Variants in SYT9 observed in about 807,000 individuals in gnomAD.
SYT9 encodes the protein synaptotagmin-9.
A neutral mutation model predicts 48.4 loss-of-function variants in SYT9; 22 were observed. The ratio of observed to expected loss-of-function variants is 0.45; its 90% CI spans 0.32 to 0.65. The LOEUF is 0.65. Among genes scored for constraint, SYT9 ranks in the 30% least tolerant of loss-of-function variants. The pLI is 0.03. For synonymous variants in SYT9, 265 were observed against 245.0 expected (o/e 1.08, Z -0.76); for missense variants, 577 against 622.0 (o/e 0.93, Z 0.77).
intron 3 of SYT9, among the ~76,000 whole-genome samples, chr11:7,368,329 A>T (rs114081682): frequency 0.026 from 3,527 of 136,914 alleles, 91 homozygotes; most frequent in African/African-American, 0.073. Context: ...GCCAGATCTG[A>T]CATTTGGATA....
intron 1 of SYT9, among the ~76,000 whole-genome samples, chr11:7,273,568 A>G (rs1848334768): frequency 6.6e-6 from 1 of 152,152 alleles, no homozygotes; most frequent in Admixed American, 6.5e-5. Context: ...TGCTTAAAAG[A>G]ACTTGAAGAT....
At chr11:7,284,514 G>A (rs1173722091) in intron 1 of SYT9, among the ~76,000 whole-genome samples, 2 of 152,008 alleles carry the variant, frequency 1.3e-5, no homozygotes, top group African/African-American at 2.4e-5. Flanking sequence ...TGAAAATCAT[G>A]TTCTCTTAGT....
At chr11:7,417,380 A>G (rs1847272327) in intron 4 of SYT9, among the ~76,000 whole-genome samples, 1 of 152,130 alleles carries the variant, frequency 6.6e-6, no homozygotes, top group South Asian at 2.1e-4. Flanking sequence ...ACCCCATCAC[A>G]GTGTTGCACC....
At position 7,273,118 on chromosome 11, in the gene SYT9, T is replaced by C. The variant is rs187644166; in HGVS notation, c.145+20787T>C. ...AGTGGTATAAAGGAAATCTAAGGTTTCTGATTTAGGCAGCTGGGTCATATA... is the reference window on the plus strand; with the variant it reads ...AGTGGTATAAAGGAAATCTAAGGTTCCTGATTTAGGCAGCTGGGTCATATA... On this transcript the variant is annotated intron_variant, in intron 1 of 6. Coordinates refer to ENST00000318881, the MANE Select transcript of SYT9 (RefSeq NM_175733.4). Among the ~76,000 whole-genome samples the C allele has an allele frequency of 3.4e-3, 513 of 152,274 alleles. 2 individuals carry two copies. Among genetic ancestry groups the C allele is most frequent in the African/African-American group, 0.012 (487 of 41,552 alleles).
chr11:7,303,458 G>A, intron 2 of SYT9, 68 bp downstream of exon 2: 1 of 1,324,244 alleles, frequency 7.6e-7, no homozygotes, highest in Non-Finnish European at 1.0e-6. Context: ...GGCAACAATA[G>A]CACTGATAGG....
chr11:7,302,628 C>T (rs1848943838), intron 1 of SYT9, among the ~76,000 whole-genome samples: 2 of 152,330 alleles, frequency 1.3e-5, no homozygotes, highest in South Asian at 2.1e-4. Context: ...TTATATTATA[C>T]AGCTCTCTGA....
At chr11:7,358,159 A>C (rs528270623) in intron 3 of SYT9, among the ~76,000 whole-genome samples, 1 of 152,278 alleles carries the variant, frequency 6.6e-6, no homozygotes, top group South Asian at 2.1e-4. Flanking sequence ...AGAACGACGA[A>C]TACTGTTTTA....
At chr11:7,350,833 G>A (rs1849901156) in intron 3 of SYT9, among the ~76,000 whole-genome samples, 1 of 152,168 alleles carries the variant, frequency 6.6e-6, no homozygotes, top group Admixed American at 6.5e-5. Context: ...CTATCTAAAA[G>A]CAAACAGATA....
At chr11:7,376,423 T>C (rs1850456725) in intron 3 of SYT9, among the ~76,000 whole-genome samples, 1 of 149,982 alleles carries the variant, frequency 6.7e-6, no homozygotes, top group African/African-American at 2.5e-5. Flanking sequence ...ATGTCCAGAT[T>C]CTCCCCAACC....
intron 1 of SYT9, among the ~76,000 whole-genome samples, chr11:7,265,999 A>G (rs1286333524): frequency 1.3e-5 from 2 of 152,128 alleles, no homozygotes; most frequent in Non-Finnish European, 2.9e-5. Context: ...AAACCTGTGA[A>G]ACAGAGAAAG....
intron 6 of SYT9, among the ~76,000 whole-genome samples, chr11:7,452,346 CCTCA>C (rs1464384716): frequency 6.6e-6 from 1 of 152,198 alleles, no homozygotes; most frequent in Non-Finnish European, 1.5e-5. Context: ...CTGCAGTTCT[CCTCA>C]CTCAGAAAAG....
At position 7,252,452 on chromosome 11, in the gene SYT9, G is replaced by A; in HGVS notation, c.145+121G>A. ...GGAGAGGGCGGGGGGCGGCCACCGAGCCAGGAGAGTGATCAAGAACCAGCG... is the reference window on the plus strand; with the variant it reads ...GGAGAGGGCGGGGGGCGGCCACCGAACCAGGAGAGTGATCAAGAACCAGCG... On this transcript the variant is annotated intron_variant, in intron 1 of 6. Coordinates refer to ENST00000318881, the MANE Select transcript of SYT9 (RefSeq NM_175733.4). The surrounding 1 kb of genome is among the most constrained non-coding windows in gnomAD (Gnocchi z 6.3). 9.0e-7 allele frequency: 1 copy of A among 1,115,334 alleles called. No homozygotes were observed. The highest frequency in any genetic ancestry group is 1.2e-6 in the Non-Finnish European group (1 of 855,748). The allele number at this position is 1,115,334 out of a possible 1,614,324, so 69.1% of individuals were successfully genotyped here. A position where few individuals can be genotyped will look rare whatever the true frequency, so the allele number is the denominator to read the frequency against.
chr11:7,385,966 T>G (rs12222115), intron 3 of SYT9, among the ~76,000 whole-genome samples: 14,134 of 152,240 alleles, frequency 0.093, 731 homozygotes, highest in East Asian at 0.24. Context: ...GGAAATATCT[T>G]CACAATATTG....
chr11:7,389,084 C>T (rs1850714221), intron 3 of SYT9, among the ~76,000 whole-genome samples: 1 of 152,174 alleles, frequency 6.6e-6, no homozygotes, highest in African/African-American at 2.4e-5. Flanking sequence ...AAAGAAAGTA[C>T]CAGCTCTTTA....
chr11:7,344,117 G>T (rs1372331081), intron 3 of SYT9, among the ~76,000 whole-genome samples: 1 of 152,160 alleles, frequency 6.6e-6, no homozygotes, highest in African/African-American at 2.4e-5. Flanking sequence ...GAGGGGAAGA[G>T]AAGCTTTCCA....
intron 3 of SYT9, among the ~76,000 whole-genome samples, chr11:7,329,007 A>G (rs554902557): frequency 1.9e-4 from 29 of 152,294 alleles, no homozygotes; most frequent in Admixed American, 4.6e-4. Flanking sequence ...ATTTGATTAT[A>G]GTATGAATGG....
At chr11:7,313,224 C>T (rs1849172942) in intron 2 of SYT9, among the ~76,000 whole-genome samples, 171 bp from the exon 3 acceptor site, 1 of 152,130 alleles carries the variant, frequency 6.6e-6, no homozygotes, top group Admixed American at 6.5e-5. Flanking sequence ...TACGGAGCAG[C>T]TTACTCACAC....
intron 3 of SYT9, among the ~76,000 whole-genome samples, chr11:7,321,288 A>T (rs1234079371): frequency 1.4e-5 from 2 of 144,202 alleles, no homozygotes; most frequent in African/African-American, 5.1e-5. Context: ...GTAGTGACTG[A>T]TTTGGAGACT....
chr11:7,312,937 T>G, intron 2 of SYT9, among the ~76,000 whole-genome samples: 1 of 152,226 alleles, frequency 6.6e-6, no homozygotes. Flanking sequence ...TATAAAGCTA[T>G]AAGCCAGTGG....
Sources: gnomAD v4.1 joint callset for allele counts (sites outside exome capture counted in the v4.1 genomes callset) on GRCh38, gnomAD v4.1.1 for gene constraint, Gnocchi (gnomAD v3.1) non-coding constraint, MANE v1.5 for transcripts, NCBI Gene and HGNC (gene_info 2026-07-23, HGNC 2026-07-21) for gene names.